RAB33B: variants seen among roughly 807,000 people sequenced by gnomAD.
RAB33B encodes RAB33B, member RAS oncogene family.
In RAB33B, 6 loss-of-function variants were observed where a neutral mutation model predicts 15.0. The ratio of observed to expected loss-of-function variants is 0.40; its 90% CI spans 0.22 to 0.79. RAB33B has a LOEUF of 0.79. Ranked by LOEUF, RAB33B falls within the 30% of genes least tolerant of loss-of-function variation. RAB33B has a pLI of 0.37. For synonymous variants in RAB33B, 117 were observed against 108.3 expected, an observed-to-expected ratio of 1.08 and a Z score of -0.50; for missense variants, 257 against 296.4, an observed-to-expected ratio of 0.87 and a Z score of 0.98.
intron 1 of RAB33B, among the ~76,000 whole-genome samples, chr4:139,465,806 T>C (rs916354795): frequency 1.3e-5 from 2 of 151,516 alleles, no homozygotes; most frequent in East Asian, 3.9e-4. Flanking sequence ...TATGGCTCAC[T>C]GCAGCCTTGA....
At chr4:139,440,520 C>A in the RAB33B span, among the ~76,000 whole-genome samples, 2 of 152,132 alleles carry the variant, frequency 1.3e-5, no homozygotes, top group African/African-American at 4.8e-5. Context: ...AAGCTGTGTG[C>A]AAACCACTCT....
intron 1 of RAB33B, among the ~76,000 whole-genome samples, chr4:139,470,554 G>C (rs779535454): frequency 1.3e-5 from 2 of 152,032 alleles, no homozygotes; most frequent in Admixed American, 6.6e-5. Flanking sequence ...GGTACCAAAG[G>C]TACAAGACAG....
chr4:139,439,868 T>C, the RAB33B span, among the ~76,000 whole-genome samples: 129 of 152,300 alleles, frequency 8.5e-4, no homozygotes, highest in African/African-American at 3.0e-3. Context: ...AGAATTTCTT[T>C]TTGGTTTCTT....
chr4:139,462,178 C>T (rs564432088), intron 1 of RAB33B, among the ~76,000 whole-genome samples: 17 of 151,640 alleles, frequency 1.1e-4, no homozygotes, highest in Admixed American at 9.2e-4. Context: ...CTCAGCCTGC[C>T]GAGTAGCTGG....
At chr4:139,466,196 T>A (rs2111080815) in intron 1 of RAB33B, among the ~76,000 whole-genome samples, 1 of 152,328 alleles carries the variant, frequency 6.6e-6, no homozygotes, top group African/African-American at 2.4e-5. Context: ...CATCCACAGT[T>A]CTTTGAGGGC....
intron 1 of RAB33B, among the ~76,000 whole-genome samples, chr4:139,471,373 C>T (rs1423562116): frequency 6.6e-6 from 1 of 152,142 alleles, no homozygotes. Flanking sequence ...CCCAGAGAGG[C>T]TCTCTGTACC....
chr4:139,453,974 C>T, upstream of RAB33B: 1 of 424,516 alleles, frequency 2.4e-6, no homozygotes, highest in Non-Finnish European at 4.0e-6. Flanking sequence ...GGCGTGTGGC[C>T]GCGGGCAGGC....
chr4:139,462,085 G>C (rs1415846426), intron 1 of RAB33B, among the ~76,000 whole-genome samples: 1 of 127,690 alleles, frequency 7.8e-6, no homozygotes, highest in Non-Finnish European at 1.6e-5. Context: ...ACGGAGTCTC[G>C]CTCTGTCGCC....
chr4:139,454,277 C>A lies in RAB33B; in HGVS notation c.82C>A (p.Pro28Thr). Reference sequence around the variant, plus strand: ...GTCAGGGGCCTCAGGGTTTTTGCCTCCTGCCCGCTCCCGCATCTTCAAGAT... The same window carrying A: ...GTCAGGGGCCTCAGGGTTTTTGCCTACTGCCCGCTCCCGCATCTTCAAGAT... ...AVSGASGFLP[P>T]ARSRIFKIIV... is the part of the protein sequence containing the mutation. The change falls in exon 1 of 2, where the codon CCT (proline) becomes ACT (threonine). Residue 28 changes from proline to threonine, a missense_variant. Physicochemically the swap from Pro to Thr is conservative, Grantham distance 38. Coordinates refer to ENST00000305626, the MANE Select transcript of RAB33B (RefSeq NM_031296.3). The A allele has an allele frequency of 6.2e-7, 1 of 1,614,148 alleles. No homozygotes were observed. The highest frequency in any genetic ancestry group is 1.7e-4 in the Middle Eastern group (1 of 6,060).
rs1272616791 is a variant in RAB33B, at chr4:139,474,278, G to C, written c.*1152G>C. On this transcript the variant is annotated 3_prime_UTR_variant, in exon 2 of 2. Coordinates refer to ENST00000305626, the MANE Select transcript of RAB33B (RefSeq NM_031296.3). The stretch of plus-strand genomic sequence containing the variant: ...TTTAAGGCAAATAAAGTGACATAAG[G>C]TGCTTTATATTTTATTTTGGTATAT... 1 of 152,076 alleles carries C rather than the reference G, an allele frequency of 6.6e-6. No homozygotes were observed. The highest frequency in any genetic ancestry group is 1.5e-5 in the Non-Finnish European group (1 of 68,008). 9.4% of individuals were successfully genotyped at this position (152,076 alleles called of 1,614,324 possible). A position where few individuals can be genotyped will look rare whatever the true frequency, so the allele number is the denominator to read the frequency against.
the RAB33B span, among the ~76,000 whole-genome samples, chr4:139,447,856 C>T: frequency 2.6e-5 from 4 of 151,654 alleles, no homozygotes; most frequent in African/African-American, 7.3e-5. Context: ...TTAGTAGAGA[C>T]GGGGTTTCAC....
intron 1 of RAB33B, among the ~76,000 whole-genome samples, chr4:139,463,586 C>T (rs1200801105): frequency 1.3e-5 from 2 of 152,132 alleles, no homozygotes; most frequent in South Asian, 2.1e-4. Flanking sequence ...CAGATGAAAG[C>T]GTCTCACTTC....
At chr4:139,438,851 T>C in the RAB33B span, among the ~76,000 whole-genome samples, 2 of 152,250 alleles carry the variant, frequency 1.3e-5, no homozygotes, top group African/African-American at 4.8e-5. Context: ...TATTTCTTTA[T>C]ACAAGTTCAG....
chr4:139,465,755 G>C (rs190922333), intron 1 of RAB33B, among the ~76,000 whole-genome samples: 173 of 146,320 alleles, frequency 1.2e-3, no homozygotes, highest in African/African-American at 4.1e-3. Flanking sequence ...TTGGAGACAA[G>C]GTCTCACTCT....
At chr4:139,468,002 C>G (rs1250949630) in intron 1 of RAB33B, among the ~76,000 whole-genome samples, 1 of 150,340 alleles carries the variant, frequency 6.7e-6, no homozygotes, top group East Asian at 1.9e-4. Flanking sequence ...CCCATCTCCC[C>G]TACCCCGAAG....
intron 1 of RAB33B, among the ~76,000 whole-genome samples, chr4:139,467,308 CTTTTTTTTTT>C (rs70943422): frequency 7.9e-4 from 14 of 17,618 alleles, no homozygotes; most frequent in South Asian, 3.2e-3. Flanking sequence ...CCCCCCGCCG[CTTTTTTTTTT>C]TTTTTTTTTT....
the RAB33B span, among the ~76,000 whole-genome samples, chr4:139,438,946 T>C: frequency 6.6e-6 from 1 of 152,176 alleles, no homozygotes; most frequent in Non-Finnish European, 1.5e-5. Flanking sequence ...CTCCCTCAAC[T>C]TTTGTTTATC....
At chr4:139,440,844 C>T in the RAB33B span, among the ~76,000 whole-genome samples, 1 of 152,190 alleles carries the variant, frequency 6.6e-6, no homozygotes, top group Non-Finnish European at 1.5e-5. Flanking sequence ...CTCCTGACCT[C>T]AGGTGACCCA....
chr4:139,448,035 A>G, the RAB33B span, among the ~76,000 whole-genome samples: 52 of 152,206 alleles, frequency 3.4e-4, no homozygotes, highest in Non-Finnish European at 7.6e-4. Context: ...ATTGACCTGG[A>G]CCATCAAGAT....
Sources: gnomAD v4.1 joint callset for allele counts (sites outside exome capture counted in the v4.1 genomes callset) on GRCh38, gnomAD v4.1.1 for gene constraint, MANE v1.5 for transcripts, NCBI Gene and HGNC (gene_info 2026-07-23, HGNC 2026-07-21) for gene names.